PXDNL: variants seen among roughly 807,000 people sequenced by gnomAD.
PXDNL encodes the protein peroxidasin like, also known as probable oxidoreductase PXDNL.
Under a neutral mutation model 150.8 loss-of-function variants are expected in PXDNL, and 145 were observed. The ratio of observed to expected loss-of-function variants is 0.96; its 90% CI spans 0.84 to 1.10. The LOEUF (loss-of-function observed/expected upper bound fraction) is 1.10. Among genes scored for constraint, PXDNL ranks in the 50% least tolerant of loss-of-function variants. The probability of loss-of-function intolerance (pLI) is 0.00; values close to 1 mark genes in which losing one functional copy is unlikely to be tolerated. For missense variants in PXDNL, 2,087 were observed against 1,873.9 expected (o/e 1.11, Z -2.10); for synonymous variants, 757 against 725.7 (o/e 1.04, Z -0.69).
At chr8:51,614,565 C>T (rs1162401264) in intron 2 of PXDNL, among the ~76,000 whole-genome samples, 6 of 152,176 alleles carry the variant, frequency 3.9e-5, no homozygotes, top group African/African-American at 7.2e-5. Context: ...GACCAATTCA[C>T]GAATTGTTAC....
At chr8:51,402,131 T>A (rs1808267311) in intron 17 of PXDNL, among the ~76,000 whole-genome samples, 3 of 152,206 alleles carry the variant, frequency 2.0e-5, no homozygotes, top group Non-Finnish European at 2.9e-5. Context: ...TTAAGAATTT[T>A]TTGTTAATTT....
chr8:51,565,969 G>A (rs992121095), intron 3 of PXDNL, among the ~76,000 whole-genome samples: 1 of 151,804 alleles, frequency 6.6e-6, no homozygotes, highest in Non-Finnish European at 1.5e-5. Flanking sequence ...TTTATTGAGT[G>A]AAGAGAGTAC....
chr8:51,661,508 G>A (rs187567456), intron 1 of PXDNL, among the ~76,000 whole-genome samples: 1 of 152,320 alleles, frequency 6.6e-6, no homozygotes, highest in Admixed American at 6.5e-5. Context: ...AAGGCCTTAA[G>A]AGGAAAGCCC....
intron 17 of PXDNL, among the ~76,000 whole-genome samples, chr8:51,405,179 G>T (rs1808401926): frequency 6.6e-6 from 1 of 152,132 alleles, no homozygotes. Context: ...CTCCTGGCAA[G>T]CAGAGGGAGC....
intron 1 of PXDNL, among the ~76,000 whole-genome samples, chr8:51,791,392 T>G (rs887838423): frequency 2.6e-5 from 4 of 152,200 alleles, no homozygotes; most frequent in Non-Finnish European, 5.9e-5. Context: ...CCTTCCAAAC[T>G]ACACAGAGGT....
At chr8:51,389,308 G>A (rs964752735) in intron 17 of PXDNL, among the ~76,000 whole-genome samples, 1 of 152,252 alleles carries the variant, frequency 6.6e-6, no homozygotes, top group Admixed American at 6.5e-5. Flanking sequence ...TGATGTTTGA[G>A]TAAATTCAGA....
At chr8:51,803,938 A>C (rs942695601) in intron 1 of PXDNL, among the ~76,000 whole-genome samples, 3 of 152,178 alleles carry the variant, frequency 2.0e-5, no homozygotes, top group African/African-American at 7.2e-5. Flanking sequence ...TGCCCATGTA[A>C]AACACAACAA....
intron 4 of PXDNL, among the ~76,000 whole-genome samples, chr8:51,550,393 C>T (rs1812454250): frequency 6.6e-6 from 1 of 151,966 alleles, no homozygotes; most frequent in South Asian, 2.1e-4. Context: ...AAGAAAACTA[C>T]AGACCAATGT....
chr8:51,709,615 A>G (rs1352259172), intron 1 of PXDNL, among the ~76,000 whole-genome samples: 3 of 152,218 alleles, frequency 2.0e-5, no homozygotes, highest in African/African-American at 7.2e-5. Context: ...ACAAGAATGC[A>G]AACTCATCAC....
intron 4 of PXDNL, among the ~76,000 whole-genome samples, chr8:51,516,524 G>T (rs1811543556): frequency 6.6e-6 from 1 of 152,154 alleles, no homozygotes; most frequent in Non-Finnish European, 1.5e-5. Flanking sequence ...AGTAATTAGG[G>T]TTTGTTGATG....
At chr8:51,804,763 T>C (rs1293796593) in intron 1 of PXDNL, among the ~76,000 whole-genome samples, 1 of 151,878 alleles carries the variant, frequency 6.6e-6, no homozygotes, top group Non-Finnish European at 1.5e-5. Flanking sequence ...TTAATCAGCA[T>C]ATACCATCTA....
At position 51,658,903 on chromosome 8, in the gene PXDNL, C is replaced by T. The variant is rs995872933; in HGVS notation, c.165-4143G>A. Among the ~76,000 whole-genome samples, 11 of 152,274 alleles carry T rather than the reference C, an allele frequency of 7.2e-5. No homozygotes were observed. The East Asian group carries it at 2.1e-3, about 29-fold the overall frequency. On this transcript the variant is annotated intron_variant, in intron 1 of 22. Coordinates refer to ENST00000356297, the MANE Select transcript of PXDNL (RefSeq NM_144651.5). Reference sequence around the variant, plus strand: ...GTTCCTTTATAGATTCCTTTACTGACAGACATTTTGGTTGTTTCCAAATTT... The same window carrying T: ...GTTCCTTTATAGATTCCTTTACTGATAGACATTTTGGTTGTTTCCAAATTT...
chr8:51,323,716 C>T (rs1250270285), intron 21 of PXDNL, among the ~76,000 whole-genome samples: 1 of 151,910 alleles, frequency 6.6e-6, no homozygotes, highest in Non-Finnish European at 1.5e-5. Flanking sequence ...AAGTTCAAGA[C>T]CAGCCGGGTC....
chr8:51,559,626 G>A (rs1812679126), intron 3 of PXDNL, among the ~76,000 whole-genome samples: 1 of 151,970 alleles, frequency 6.6e-6, no homozygotes, highest in Non-Finnish European at 1.5e-5. Context: ...AGAGTCAAGT[G>A]GGAATCCCCA....
intron 8 of PXDNL, among the ~76,000 whole-genome samples, chr8:51,465,044 G>A (rs759247015): frequency 1.3e-5 from 2 of 151,922 alleles, no homozygotes; most frequent in Non-Finnish European, 2.9e-5. Flanking sequence ...ATCCTCCCTC[G>A]CTCATTCTAT....
rs2130891119 is a variant in PXDNL at position 51,409,400 on chromosome 8, A to C, written c.2224T>G (p.Trp742Gly). The C allele has an allele frequency of 6.2e-7, 1 of 1,610,164 alleles. No individual in the cohort carries two copies. ...GCGAAGGCGGTCAGCGCCGCGCCCC[A>C]CGTGGGCTGCTGCAGGTTGTTGCAC... is the stretch of plus-strand genomic sequence containing the variant. ...GTCNNLQQPT[W>G]GAALTAFARL... Residue 742 changes from tryptophan (W) to glycine (G), a missense_variant, in exon 17 of 23, where the codon TGG (tryptophan) becomes GGG (glycine). Transcript: ENST00000356297.
At chr8:51,403,092 A>C (rs1448986753) in intron 17 of PXDNL, among the ~76,000 whole-genome samples, 1 of 149,576 alleles carries the variant, frequency 6.7e-6, no homozygotes, top group Admixed American at 6.8e-5. Flanking sequence ...CCTCTCCAAA[A>C]AAAAAAAAAA....
chr8:51,763,227 C>CA (rs1207528610), intron 1 of PXDNL, among the ~76,000 whole-genome samples: 1 of 151,086 alleles, frequency 6.6e-6, no homozygotes. Flanking sequence ...TTTCACTTAG[C>CA]AAAAATGTTT....
intron 3 of PXDNL, among the ~76,000 whole-genome samples, chr8:51,574,326 A>G (rs1255417364): frequency 5.3e-5 from 8 of 152,042 alleles, no homozygotes; most frequent in Non-Finnish European, 1.2e-4. Flanking sequence ...ACAGAAAAAT[A>G]AGTGCACTTG....
Sources: gnomAD v4.1 joint callset for allele counts (sites outside exome capture counted in the v4.1 genomes callset) on GRCh38, gnomAD v4.1.1 for gene constraint, MANE v1.5 for transcripts, NCBI Gene and HGNC (gene_info 2026-07-23, HGNC 2026-07-21) for gene names.